Variants in PRDM16 observed in about 807,000 individuals in gnomAD.
The protein encoded by PRDM16 is histone-lysine N-methyltransferase PRDM16.
PRDM16 carries 23 observed loss-of-function variants against 110.6 expected under a neutral mutation model. The ratio of observed to expected loss-of-function variants is 0.21; its 90% confidence interval spans 0.15 to 0.29. The LOEUF (loss-of-function observed/expected upper bound fraction) is 0.29. Ranked by LOEUF, PRDM16 falls within the 10% of genes least tolerant of loss-of-function variation. The pLI is 1.00. For missense variants in PRDM16, 1,615 were observed against 1,794.3 expected (o/e 0.90, Z 1.81); for synonymous variants, 799 against 781.8 (o/e 1.02, Z -0.37).
intron 3 of PRDM16, among the ~76,000 whole-genome samples, chr1:3,292,336 T>C (rs752096659): frequency 3.3e-5 from 5 of 152,150 alleles, no homozygotes; most frequent in Non-Finnish European, 7.4e-5. Context: ...CCAAACCTGC[T>C]CATTTTTAGC....
intron 1 of PRDM16, among the ~76,000 whole-genome samples, chr1:3,182,630 A>AGGGGCAG: frequency 6.6e-6 from 1 of 152,124 alleles, no homozygotes; most frequent in Non-Finnish European, 1.5e-5. Context: ...CCCAGGGGCA[A>AGGGGCAG]TGCGAGGGGC....
At chr1:3,374,798 A>G (rs1242859999) in intron 3 of PRDM16, among the ~76,000 whole-genome samples, 2 of 152,218 alleles carry the variant, frequency 1.3e-5, no homozygotes, top group East Asian at 3.9e-4. Context: ...CCAGAGGGCC[A>G]GAGGTGCTTG....
Position 3,412,189 on chromosome 1 carries a change from G to A in PRDM16, c.1992G>A (p.Glu664=), listed in dbSNP as rs1222175268. The A allele has an allele frequency of 1.3e-6, 2 of 1,594,282 alleles. No homozygotes were observed. Among genetic ancestry groups the A allele is most frequent in the Admixed American group, 3.4e-5 (2 of 59,208 alleles). Residue 664 remains glutamate (E), a synonymous_variant, in exon 9 of 17, where the codon GAG becomes GAA. Coordinates refer to ENST00000270722, the MANE Select transcript of PRDM16 (RefSeq NM_022114.4). ...APPGAPNSVA[E]VPVFYSQHSF... ...CGGGGGCCCCGAACAGCGTGGCCGA[G>A]GTGCCTGTCTTCTATTCCCAGCACT...
chr1:3,164,211 G>A (rs1297067827), intron 1 of PRDM16, among the ~76,000 whole-genome samples: 2 of 152,254 alleles, frequency 1.3e-5, no homozygotes, highest in African/African-American at 4.8e-5. Flanking sequence ...AGATCATTCC[G>A]TGTTCGTGGT....
chr1:3,092,124 T>TGC (rs3067411), intron 1 of PRDM16, among the ~76,000 whole-genome samples: 76,814 of 151,486 alleles, frequency 0.51, 20,569 homozygotes, highest in African/African-American at 0.67. Flanking sequence ...TGCTGCATGC[T>TGC]TGGTGTTACC....
chr1:3,396,749 C>A (rs915667713), intron 5 of PRDM16, among the ~76,000 whole-genome samples, 156 bp downstream of exon 5: 1 of 152,198 alleles, frequency 6.6e-6, no homozygotes, highest in Non-Finnish European at 1.5e-5. Context: ...TCCATTTTTG[C>A]AGACCTCAGG....
intron 3 of PRDM16, among the ~76,000 whole-genome samples, chr1:3,267,777 C>A (rs1027790850): frequency 1.3e-5 from 2 of 152,194 alleles, no homozygotes; most frequent in Admixed American, 6.5e-5. Flanking sequence ...TTCTCCATCC[C>A]GCGCCGCTGC....
At chr1:3,250,148 C>T (rs1436347713) in intron 3 of PRDM16, among the ~76,000 whole-genome samples, 1 of 146,418 alleles carries the variant, frequency 6.8e-6, no homozygotes, top group Non-Finnish European at 1.5e-5. Flanking sequence ...CCCAGGATCC[C>T]GTTTTCACAA....
intron 3 of PRDM16, among the ~76,000 whole-genome samples, chr1:3,247,548 C>G (rs545486884): frequency 2.3e-4 from 35 of 152,360 alleles, no homozygotes; most frequent in African/African-American, 7.5e-4. Context: ...CACCGCCAGG[C>G]GCAGGGGACG....
intron 1 of PRDM16, among the ~76,000 whole-genome samples, chr1:3,086,551 G>A (rs1642157378): frequency 6.6e-6 from 1 of 152,122 alleles, no homozygotes; most frequent in South Asian, 2.1e-4. Context: ...CTCCCGCCGG[G>A]CTGCCTTGTC....
At chr1:3,181,448 A>ACATG (rs1553141070) in intron 1 of PRDM16, among the ~76,000 whole-genome samples, 2 of 33,676 alleles carry the variant, frequency 5.9e-5, no homozygotes, top group African/African-American at 1.3e-4. Flanking sequence ...GCAGTCTTAC[A>ACATG]CGGTCTTACA....
At chr1:3,308,407 C>T (rs565133197) in intron 3 of PRDM16, 2 of 152,444 alleles carry the variant, frequency 1.3e-5, no homozygotes, top group South Asian at 4.1e-4. Flanking sequence ...GTCACCGGGT[C>T]ACCTACAGAC....
intron 1 of PRDM16, among the ~76,000 whole-genome samples, chr1:3,070,282 G>A (rs1641716908): frequency 1.3e-5 from 2 of 149,724 alleles, no homozygotes; most frequent in Non-Finnish European, 3.0e-5. Context: ...GCCGGTCCTT[G>A]CCGCGGGCCG....
At position 3,217,136 on chromosome 1, in the gene PRDM16, G is replaced by A. The variant is rs114081875; in HGVS notation, c.388-26951G>A. ...ATTCCCAAACAGGATAAAAAGCCCC[G>A]GGTGGCCTTCTCCTCACACACCTTT... is the stretch of plus-strand genomic sequence containing the variant. On this transcript the variant is annotated intron_variant, in intron 2 of 16. Transcript: ENST00000270722. Among the ~76,000 whole-genome samples the A allele has an allele frequency of 9.5e-3, 1,452 of 152,356 alleles. 25 individuals are homozygous for A. The highest frequency in any genetic ancestry group is 0.033 in the African/African-American group (1,378 of 41,574).
Position 3,208,934 on chromosome 1 carries a change from A to G in PRDM16, c.387+22460A>G, listed in dbSNP as rs1638816750. On this transcript the variant is annotated intron_variant, in intron 2 of 16. Transcript: ENST00000270722. The surrounding 1 kb of genome is among the most constrained non-coding windows in gnomAD (Gnocchi z 6.1). ...GGACAGAAGAAACCTGGCTTTTCCC[A>G]TGAACAGATGTCCCCCTCGCCACAT... 1.3e-5 allele frequency among the ~76,000 whole-genome samples: 2 copies of G among 152,158 alleles called. No individual in the cohort carries two copies. The highest frequency in any genetic ancestry group is 4.8e-5 in the African/African-American group (2 of 41,436).
At chr1:3,073,136 T>C (rs1641808297) in intron 1 of PRDM16, among the ~76,000 whole-genome samples, 1 of 152,168 alleles carries the variant, frequency 6.6e-6, no homozygotes, top group African/African-American at 2.4e-5. Flanking sequence ...CAAGTCCTCC[T>C]GTAGGCAGTG....
chr1:3,090,360 G>C (rs1421465638), intron 1 of PRDM16, among the ~76,000 whole-genome samples: 1 of 152,240 alleles, frequency 6.6e-6, no homozygotes, highest in Non-Finnish European at 1.5e-5. Flanking sequence ...AGCTGGTCTC[G>C]TGAGAAGCGC....
At chr1:3,096,891 G>A (rs1013724119) in intron 1 of PRDM16, among the ~76,000 whole-genome samples, 1 of 152,216 alleles carries the variant, frequency 6.6e-6, no homozygotes, top group Non-Finnish European at 1.5e-5. Flanking sequence ...TTTCTAGGAA[G>A]AAGCCACCCG....
In PRDM16 at chr1:3,181,742, GGA is replaced by G. The variant is rs1251547153; in HGVS notation, c.38-4381_38-4380del. Among the ~76,000 whole-genome samples the G allele has an allele frequency of 1.6e-3, 174 of 111,256 alleles. 3 individuals are homozygous for G. The highest frequency in any genetic ancestry group is 5.8e-3 in the African/African-American group (151 of 26,260). 73.0% of individuals were successfully genotyped at this position (111,256 alleles called of 152,430 possible). ...CAGTCTTACACACGGTCTTACACAC[GGA>G]GTCTTACACACGGTCTTACACACAG... On this transcript the variant is annotated intron_variant, in intron 1 of 16. Transcript: ENST00000270722.
Sources: gnomAD v4.1 joint callset for allele counts (sites outside exome capture counted in the v4.1 genomes callset) on GRCh38, gnomAD v4.1.1 for gene constraint, Gnocchi (gnomAD v3.1) non-coding constraint, MANE v1.5 for transcripts, NCBI Gene and HGNC (gene_info 2026-07-23, HGNC 2026-07-21) for gene names.